The following RXRA variants were observed in gnomAD, a reference collection of about 807,000 sequenced individuals.
RXRA encodes the protein retinoic acid receptor RXR-alpha.
RXRA carries 5 observed loss-of-function variants against 44.5 expected under a neutral mutation model. The ratio of observed to expected loss-of-function variants is 0.11; its 90% CI spans 0.06 to 0.24. The LOEUF is 0.24. Ranked by LOEUF, RXRA falls within the 10% of genes least tolerant of loss-of-function variation. RXRA has a pLI of 1.00. For missense variants in RXRA, 412 were observed against 646.5 expected, an observed-to-expected ratio of 0.64 and a Z score of 3.93; for synonymous variants, 291 against 271.4, an observed-to-expected ratio of 1.07 and a Z score of -0.71.
intron 6 of RXRA, chr9:134,425,977 G>A (rs907783464): frequency 2.3e-4 from 224 of 985,268 alleles, no homozygotes; most frequent in Non-Finnish European, 2.5e-4. Flanking sequence ...TTCCCCACCT[G>A]ACCCTTGACT....
intron 1 of RXRA, among the ~76,000 whole-genome samples, chr9:134,384,834 C>T (rs749438682): frequency 1.3e-5 from 2 of 152,220 alleles, no homozygotes; most frequent in Non-Finnish European, 2.9e-5. Flanking sequence ...GCAGTGCCCT[C>T]CTGTGGTTCA....
Position 134,408,320 on chromosome 9 carries a change from A to G in RXRA, c.430+21A>G, listed in dbSNP as rs777581979. On this transcript the variant is annotated intron_variant, in intron 3 of 9. Coordinates refer to ENST00000481739, the MANE Select transcript of RXRA (RefSeq NM_002957.6). ...CTCAGGTACCGCTGCTGTGGGGGCC[A>G]GGGGCTGGTGGGACAGGGTTGTCAG... 8 of 1,586,848 alleles carry G rather than the reference A, an allele frequency of 5.0e-6. No homozygotes were observed. In the South Asian group the frequency reaches 9.2e-5, roughly 18 times the overall value.
chr9:134,354,236 T>C (rs1255168222), intron 1 of RXRA, among the ~76,000 whole-genome samples: 1 of 152,164 alleles, frequency 6.6e-6, no homozygotes, highest in African/African-American at 2.4e-5. Flanking sequence ...TGCCGAGTGC[T>C]CCCATCCTGG....
chr9:134,401,821 G>C lies in RXRA; in HGVS notation c.218G>C (p.Gly73Ala). The C allele has an allele frequency of 6.2e-7, 1 of 1,612,820 alleles. No homozygotes were observed. Among genetic ancestry groups the C allele is most frequent in the Non-Finnish European group, 8.5e-7 (1 of 1,179,744 alleles). The change falls in exon 2 of 10, where the codon GGC (glycine) becomes GCC (alanine). Residue 73 changes from glycine (G) to alanine (A), a missense_variant. Physicochemically the swap from Gly to Ala is moderately conservative, Grantham distance 60. This residue lies in a region of RXRA where 156 missense variants were observed against 177.2 expected (regional missense o/e 0.88). Transcript: ENST00000481739. Reference protein sequence around the residue: ...PPFSVISSPMGPHSMSVPTTP... With the variant: ...PPFSVISSPMAPHSMSVPTTP... ...TTCTCGGTCATCAGCTCCCCCATGGGCCCCCACTCCATGTCGGTGCCCACC... is the reference window on the plus strand; with the variant it reads ...TTCTCGGTCATCAGCTCCCCCATGGCCCCCCACTCCATGTCGGTGCCCACC...
intron 4 of RXRA, among the ~76,000 whole-genome samples, chr9:134,412,718 T>TTGGG (rs1831169413): frequency 6.6e-6 from 1 of 151,786 alleles, no homozygotes; most frequent in African/African-American, 2.4e-5. Context: ...GGGGCAGGGG[T>TTGGG]TGGGGGTCCC....
intron 8 of RXRA, 96 bp from the exon 9 acceptor site, chr9:134,434,006 G>T: frequency 1.2e-6 from 1 of 844,024 alleles, no homozygotes; most frequent in Admixed American, 2.2e-5. Flanking sequence ...CCATGGTGGG[G>T]CAGCCTGGGA....
chr9:134,391,247 G>A (rs895563212), intron 1 of RXRA, among the ~76,000 whole-genome samples: 2 of 152,150 alleles, frequency 1.3e-5, no homozygotes, highest in African/African-American at 4.8e-5. Flanking sequence ...AGCTGGCCAC[G>A]CTCCACCACA....
chr9:134,408,166 C>T lies in RXRA; in HGVS notation c.297C>T (p.Asn99=). The change falls in exon 3 of 10, where the codon AAC becomes AAT. Residue 99 remains asparagine (N), a synonymous_variant. Coordinates refer to ENST00000481739, the MANE Select transcript of RXRA (RefSeq NM_002957.6). ...TGSPQLSSPM[N]PVSSSEDIKP... ...CCCCCCAGCTCAGCTCACCTATGAA[C>T]CCCGTCAGCAGCAGCGAGGACATCA... 6.3e-7 allele frequency: 1 copy of T among 1,581,960 alleles called. No homozygotes were observed. Among genetic ancestry groups the T allele is most frequent in the East Asian group, 2.3e-5 (1 of 44,276 alleles).
intron 4 of RXRA, among the ~76,000 whole-genome samples, chr9:134,414,025 G>A (rs1474923226): frequency 6.6e-6 from 1 of 152,202 alleles, no homozygotes; most frequent in Admixed American, 6.5e-5. Context: ...GGCCTCCGGC[G>A]CCAGCGGAAC....
At chr9:134,409,245 A>C in intron 4 of RXRA, 126 bp downstream of exon 4, 1 of 1,001,098 alleles carries the variant, frequency 1.0e-6, no homozygotes, top group South Asian at 1.8e-5. Context: ...TGGCAAGGCC[A>C]AGGCAGGAGT....
intron 6 of RXRA, chr9:134,423,360 G>T: frequency 2.0e-6 from 2 of 985,462 alleles, no homozygotes; most frequent in African/African-American, 1.7e-5. Context: ...CGCACTGTGG[G>T]CTCCGCCGCC....
chr9:134,411,194 T>C (rs1831142630), intron 4 of RXRA, among the ~76,000 whole-genome samples: 2 of 152,314 alleles, frequency 1.3e-5, no homozygotes, highest in Non-Finnish European at 2.9e-5. Flanking sequence ...CAGGCTGCAC[T>C]GACTCCTTCC....
At chr9:134,424,343 G>C (rs948837902) in intron 6 of RXRA, 1 of 985,254 alleles carries the variant, frequency 1.0e-6, no homozygotes, top group Admixed American at 6.1e-5. Context: ...CCTGCCCAGC[G>C]GCTCTTTCCG....
chr9:134,330,323 G>T (rs1834983131), intron 1 of RXRA, among the ~76,000 whole-genome samples: 1 of 152,216 alleles, frequency 6.6e-6, no homozygotes, highest in Non-Finnish European at 1.5e-5. Flanking sequence ...CCAGGGCCTT[G>T]GGTTGGCCTG....
intron 9 of RXRA, among the ~76,000 whole-genome samples, chr9:134,434,965 A>C (rs1831593560): frequency 6.6e-6 from 1 of 152,096 alleles, no homozygotes; most frequent in South Asian, 2.1e-4. Flanking sequence ...CTGCCTGCCC[A>C]GCCCTCATCT....
chr9:134,431,584 C>T (rs1002480270), intron 7 of RXRA, among the ~76,000 whole-genome samples: 1 of 152,212 alleles, frequency 6.6e-6, no homozygotes, highest in Non-Finnish European at 1.5e-5. Context: ...TGTGCAGCTG[C>T]GGCTCACCTC....
chr9:134,417,936 T>C lies in RXRA; in HGVS notation c.780+609T>C, dbSNP rs887217661. 6.6e-6 allele frequency among the ~76,000 whole-genome samples: 1 copy of C among 151,954 alleles called. No homozygotes were observed. The highest frequency in any genetic ancestry group is 2.4e-5 in the African/African-American group (1 of 41,364). On this transcript the variant is annotated intron_variant, in intron 5 of 9. Coordinates refer to ENST00000481739, the MANE Select transcript of RXRA (RefSeq NM_002957.6). The surrounding 1 kb of genome is among the most constrained non-coding windows in gnomAD (Gnocchi z 6.1). ...AGGATTGGGTGGGCCGCAGCCCTGG[T>C]CCCGGGCTCTTCTCCTGGGCTGGCT...
At chr9:134,420,396 T>A (rs1831309315) in intron 5 of RXRA, among the ~76,000 whole-genome samples, 1 of 152,160 alleles carries the variant, frequency 6.6e-6, no homozygotes, top group Non-Finnish European at 1.5e-5. Flanking sequence ...TGTGGAGGAA[T>A]GAGTGAGTCT....
chr9:134,394,123 A>G (rs552037853), intron 1 of RXRA, among the ~76,000 whole-genome samples: 52 of 430 alleles, frequency 0.12, no homozygotes, highest in Middle Eastern at 0.5. Flanking sequence ...GGTGGTGGTG[A>G]TGATGATGTA....
Sources: allele counts gnomAD v4.1 joint callset (sites outside exome capture counted in the v4.1 genomes callset), GRCh38; gene constraint gnomAD v4.1.1; regional missense constraint gnomAD v4.1.1; non-coding constraint Gnocchi (gnomAD v3.1); transcripts MANE v1.5; gene names NCBI Gene and HGNC (gene_info 2026-07-23, HGNC 2026-07-21).